The following PRSS3 variants were observed in gnomAD, a reference collection of about 807,000 sequenced individuals.
PRSS3 encodes serine protease 3.
In PRSS3, 14 loss-of-function variants were observed where a neutral mutation model predicts 20.8. The ratio of observed to expected loss-of-function variants is 0.67; its 90% CI spans 0.44 to 1.05. PRSS3 has a LOEUF of 1.05. Ranked by LOEUF, PRSS3 falls within the 50% of genes least tolerant of loss-of-function variation. PRSS3 has a pLI of 0.00. For synonymous variants in PRSS3, 91 were observed against 117.6 expected (o/e 0.77, Z 1.46); for missense variants, 237 against 306.4 (o/e 0.77, Z 1.69).
chr9:33,777,913 T>C (rs1025414207), intron 1 of PRSS3, among the ~76,000 whole-genome samples: 2 of 152,164 alleles, frequency 1.3e-5, no homozygotes, highest in Admixed American at 6.5e-5. Flanking sequence ...TATCATTCTT[T>C]ATTTTCCAGA....
chr9:33,795,586 C>G lies in PRSS3; in HGVS notation c.13C>G (p.Leu5Val). Reference sequence around the variant, plus strand: ...ACACTCTACCACCATGAATCCATTCCTGATCCTTGCCTTTGTGGGAGCTGC... The same window carrying G: ...ACACTCTACCACCATGAATCCATTCGTGATCCTTGCCTTTGTGGGAGCTGC... The part of the protein sequence containing the change: MNPF[L>V]ILAFVGAAVA... Residue 5 changes from leucine to valine, a missense_variant, in exon 1 of 5, where the codon CTG becomes GTG. Physicochemically the swap from Leu to Val is conservative, Grantham distance 32. Coordinates refer to ENST00000379405, the MANE Select transcript of PRSS3 (RefSeq NM_002771.4). 1.2e-6 allele frequency: 2 copies of G among 1,614,244 alleles called. No homozygotes were observed. The highest frequency in any genetic ancestry group is 1.1e-5 in the South Asian group (1 of 91,088).
At chr9:33,771,035 T>A (rs1192231865) in intron 1 of PRSS3, among the ~76,000 whole-genome samples, 1 of 152,190 alleles carries the variant, frequency 6.6e-6, no homozygotes, top group Non-Finnish European at 1.5e-5. Flanking sequence ...CTGGACACCC[T>A]GCAATGCACA....
chr9:33,797,879 A>G lies in PRSS3; in HGVS notation c.251A>G (p.Asn84Ser), dbSNP rs767530767. The G allele has an allele frequency of 7.6e-5, 123 of 1,614,232 alleles. No individual in the cohort carries two copies. In the Middle Eastern group the frequency reaches 8.2e-4, roughly 11 times the overall value. The change falls in exon 3 of 5, where the codon AAT (asparagine) becomes AGT (serine). Residue 84 changes from asparagine to serine, a missense_variant. By Grantham distance (46) the Asn-to-Ser change is conservative. Transcript: ENST00000379405. ...CACAACATCAAAGTCCTGGAGGGGA[A>G]TGAGCAGTTCATCAATGCGGCCAAG... ...GEHNIKVLEG[N>S]EQFINAAKII...
intron 1 of PRSS3, among the ~76,000 whole-genome samples, chr9:33,781,065 A>G (rs1824163640): frequency 6.6e-6 from 1 of 152,252 alleles, no homozygotes; most frequent in Non-Finnish European, 1.5e-5. Context: ...ACTCCACCCA[A>G]AAGGAATGCT....
At chr9:33,774,445 C>A (rs991156387) in intron 1 of PRSS3, among the ~76,000 whole-genome samples, 6 of 152,124 alleles carry the variant, frequency 3.9e-5, no homozygotes, top group Non-Finnish European at 5.9e-5. Context: ...TCTTGACAAG[C>A]CGGTATCAAG....
intron 1 of PRSS3, among the ~76,000 whole-genome samples, chr9:33,771,338 G>C (rs1456427513): frequency 1.3e-5 from 2 of 151,014 alleles, no homozygotes; most frequent in African/African-American, 4.9e-5. Flanking sequence ...TATGTTTTGA[G>C]ATGGAGTCTT....
chr9:33,763,457 T>G (rs1823290382), intron 1 of PRSS3, among the ~76,000 whole-genome samples: 1 of 152,158 alleles, frequency 6.6e-6, no homozygotes, highest in Admixed American at 6.5e-5. Flanking sequence ...CCCAGCACTT[T>G]GGGAGGCCGA....
At chr9:33,777,826 A>G (rs898343312) in intron 1 of PRSS3, among the ~76,000 whole-genome samples, 2 of 152,122 alleles carry the variant, frequency 1.3e-5, no homozygotes, top group Admixed American at 6.5e-5. Flanking sequence ...GAGTAGGAAA[A>G]ACATCTATTA....
At chr9:33,797,593 G>C (rs1426801189) in intron 2 of PRSS3, among the ~76,000 whole-genome samples, 1 of 152,264 alleles carries the variant, frequency 6.6e-6, no homozygotes, top group Non-Finnish European at 1.5e-5. Context: ...GCAGCCTCTG[G>C]TGGGATCCCT....
upstream of PRSS3, among the ~76,000 whole-genome samples, chr9:33,792,146 G>T (rs575557663): frequency 2.6e-5 from 4 of 152,290 alleles, no homozygotes; most frequent in Non-Finnish European, 4.4e-5. Flanking sequence ...AAGCGAAATT[G>T]TGCCGTGGGG....
intron 1 of PRSS3, among the ~76,000 whole-genome samples, chr9:33,753,016 TGAG>T (rs1408381310): frequency 6.6e-6 from 1 of 152,202 alleles, no homozygotes; most frequent in African/African-American, 2.4e-5. Flanking sequence ...ATTTCAAAAA[TGAG>T]GAGATGGAAA....
intron 1 of PRSS3, among the ~76,000 whole-genome samples, chr9:33,766,406 T>A (rs1823423895): frequency 6.7e-6 from 1 of 150,112 alleles, no homozygotes; most frequent in East Asian, 2.0e-4. Context: ...ACCCCGTTTC[T>A]ACTAAAAATA....
chr9:33,769,407 C>A (rs1823586119), intron 1 of PRSS3, among the ~76,000 whole-genome samples: 2 of 152,202 alleles, frequency 1.3e-5, no homozygotes, highest in Admixed American at 1.3e-4. Flanking sequence ...CCAGGAACTT[C>A]TGTGGAGGGC....
chr9:33,787,170 G>A (rs747919678), intron 1 of PRSS3, among the ~76,000 whole-genome samples: 3 of 152,130 alleles, frequency 2.0e-5, no homozygotes, highest in Non-Finnish European at 4.4e-5. Flanking sequence ...GTCAGTAATA[G>A]CCTTTAACTG....
chr9:33,754,902 G>T (rs1043190363), intron 1 of PRSS3, among the ~76,000 whole-genome samples: 1 of 152,172 alleles, frequency 6.6e-6, no homozygotes, highest in Non-Finnish European at 1.5e-5. Flanking sequence ...CATTGGGTAG[G>T]CAGCTAGCAG....
At chr9:33,752,936 C>T (rs1001844516) in intron 1 of PRSS3, among the ~76,000 whole-genome samples, 2 of 152,166 alleles carry the variant, frequency 1.3e-5, no homozygotes, top group Non-Finnish European at 2.9e-5. Context: ...TTGTTGAAAT[C>T]GTAATGGGGC....
intron 1 of PRSS3, among the ~76,000 whole-genome samples, chr9:33,761,646 C>T (rs1352748474): frequency 6.6e-6 from 1 of 152,020 alleles, no homozygotes; most frequent in Non-Finnish European, 1.5e-5. Context: ...GTGGAGGTTG[C>T]CGTGAGCTGA....
intron 1 of PRSS3, among the ~76,000 whole-genome samples, chr9:33,759,744 G>A (rs1482455295): frequency 6.6e-6 from 1 of 152,218 alleles, no homozygotes; most frequent in Non-Finnish European, 1.5e-5. Flanking sequence ...CAGAGCTAGA[G>A]ATGAAGTTGT....
At chr9:33,755,471 A>G (rs1822897856) in intron 1 of PRSS3, among the ~76,000 whole-genome samples, 1 of 152,052 alleles carries the variant, frequency 6.6e-6, no homozygotes, top group African/African-American at 2.4e-5. Context: ...GGTAACATCT[A>G]TTGACATCCT....
Sources: gnomAD v4.1 joint callset for allele counts (sites outside exome capture counted in the v4.1 genomes callset) on GRCh38, gnomAD v4.1.1 for gene constraint, MANE v1.5 for transcripts, NCBI Gene and HGNC (gene_info 2026-07-23, HGNC 2026-07-21) for gene names.